Variants in XPO6 observed in about 807,000 individuals in gnomAD.
XPO6 encodes the protein exportin 6, also known as exportin-6.
Under a neutral mutation model 130.0 loss-of-function variants are expected in XPO6, and 3 were observed. That is an observed-to-expected ratio of 0.02 (90% CI 0.01 to 0.06). XPO6 has a LOEUF of 0.06. Ranked by LOEUF, XPO6 falls within the 10% of genes least tolerant of loss-of-function variation. XPO6 has a pLI of 1.00. For missense variants in XPO6, 970 were observed against 1,393.0 expected (o/e 0.70, Z 4.83); for synonymous variants, 524 against 548.9 (o/e 0.95, Z 0.63).
At chr16:28,126,379 T>C (rs1266611069) in intron 12 of XPO6, among the ~76,000 whole-genome samples, 2 of 152,090 alleles carry the variant, frequency 1.3e-5, no homozygotes, top group Non-Finnish European at 2.9e-5. Context: ...ACTCCACCCC[T>C]GAAGGCTGGG....
At chr16:28,104,936 T>C (rs2086740140) in intron 20 of XPO6, among the ~76,000 whole-genome samples, 1 of 152,272 alleles carries the variant, frequency 6.6e-6, no homozygotes, top group Non-Finnish European at 1.5e-5. Flanking sequence ...CCGCGAGTTC[T>C]TCAGGAGAGA....
intron 9 of XPO6, among the ~76,000 whole-genome samples, chr16:28,144,353 T>C (rs1381026321): frequency 6.6e-6 from 1 of 152,200 alleles, no homozygotes; most frequent in African/African-American, 2.4e-5. Flanking sequence ...TATTTGCATA[T>C]TTATTTATTT....
Position 28,106,360 on chromosome 16 carries a change from A to G in XPO6, c.2612+23T>C. On this transcript the variant is annotated intron_variant, in intron 19 of 23. Transcript: ENST00000304658. The surrounding 1 kb of genome is among the most constrained non-coding windows in gnomAD (Gnocchi z 4.2). The stretch of plus-strand genomic sequence containing the variant: ...CACTTCTCCCTTGAATCTGAAAACT[A>G]TAGATGGTGGGTCTGTGCTTACCTG... 1 of 1,612,600 alleles carries G rather than the reference A, an allele frequency of 6.2e-7. No homozygotes were observed.
At chr16:28,130,435 G>GT (rs2042643433) in intron 12 of XPO6, among the ~76,000 whole-genome samples, 1 of 152,358 alleles carries the variant, frequency 6.6e-6, no homozygotes, top group African/African-American at 2.4e-5. Context: ...TGGCATGGAG[G>GT]TTATTTGAGG....
chr16:28,112,803 A>G, intron 16 of XPO6, 101 bp downstream of exon 16: 1 of 1,440,206 alleles, frequency 6.9e-7, no homozygotes, highest in Non-Finnish European at 9.4e-7. Flanking sequence ...TACAGCCTGT[A>G]AGCTCTGAGT....
At chr16:28,100,538 G>A (rs2086633910) in intron 23 of XPO6, among the ~76,000 whole-genome samples, 3 of 152,250 alleles carry the variant, frequency 2.0e-5, no homozygotes, top group Admixed American at 2.0e-4. Flanking sequence ...AGGAAAGCAG[G>A]CGGCCAGGTT....
At position 28,111,374 on chromosome 16, in the gene XPO6, C is replaced by T. The variant is rs566974230; in HGVS notation, c.2341+443G>A. 2.0e-5 allele frequency: 3 copies of T among 152,964 alleles called. No homozygotes were observed. The East Asian group carries it at 5.8e-4, about 29-fold the overall frequency. The allele number at this position is 152,964 out of a possible 1,614,324, so 9.5% of individuals were successfully genotyped here. On this transcript the variant is annotated intron_variant, in intron 17 of 23. Coordinates refer to ENST00000304658, the MANE Select transcript of XPO6 (RefSeq NM_015171.4). Reference sequence around the variant, plus strand: ...TTTAAGAAACTAAGCTCTTTCAAAACCTCTGGAAGATCTGTATTTGGAAAA... The same window carrying T: ...TTTAAGAAACTAAGCTCTTTCAAAATCTCTGGAAGATCTGTATTTGGAAAA...
intron 6 of XPO6, among the ~76,000 whole-genome samples, chr16:28,161,064 G>T (rs1433261101): frequency 6.6e-6 from 1 of 152,144 alleles, no homozygotes; most frequent in Admixed American, 6.5e-5. Context: ...ACACAGATAT[G>T]CAACTACAAA....
chr16:28,166,643 A>G lies in XPO6; in HGVS notation c.566-58T>C, dbSNP rs1361960468. ...AAATAATGTCCAGCATATAAAAATC[A>G]TATTTAGAGAAAGTTTCTTGATACC... On this transcript the variant is annotated intron_variant, in intron 5 of 23. Transcript: ENST00000304658. 7 of 1,548,798 alleles carry G rather than the reference A, an allele frequency of 4.5e-6. No individual in the cohort carries two copies. The South Asian group carries it at 6.0e-5, about 13-fold the overall frequency.
At position 28,135,257 on chromosome 16, in the gene XPO6, C is replaced by A. The variant is rs896466465; in HGVS notation, c.1402G>T (p.Ala468Ser). The A allele has an allele frequency of 6.2e-7, 1 of 1,613,926 alleles. No homozygotes were observed. The highest frequency in any genetic ancestry group is 1.3e-5 in the African/African-American group (1 of 74,926). Residue 468 changes from alanine (A) to serine (S), a missense_variant, in exon 10 of 24, where the codon GCC (alanine) becomes TCC (serine). Coordinates refer to ENST00000304658, the MANE Select transcript of XPO6 (RefSeq NM_015171.4). ...TCATCATCCAACTCCTCCAGCTGGG[C>A]TTGGTTGTATCTGAACTGGATTCGA... is the stretch of plus-strand genomic sequence containing the variant. The part of the protein sequence containing the change: ...LNRIQFRYNQ[A>S]QLEELDDETL...
At chr16:28,103,672 G>A (rs2086702256) in intron 21 of XPO6, among the ~76,000 whole-genome samples, 1 of 152,144 alleles carries the variant, frequency 6.6e-6, no homozygotes, top group Non-Finnish European at 1.5e-5. Flanking sequence ...AGGCAGGGGA[G>A]GCGCAAACAC....
At chr16:28,162,996 G>A (rs2043301544) in intron 6 of XPO6, among the ~76,000 whole-genome samples, 2 of 152,148 alleles carry the variant, frequency 1.3e-5, no homozygotes, top group African/African-American at 4.8e-5. Context: ...GGTCTGCTGT[G>A]TACCGCGGGG....
At chr16:28,124,445 T>A (rs1359371492) in intron 13 of XPO6, among the ~76,000 whole-genome samples, 1 of 152,182 alleles carries the variant, frequency 6.6e-6, no homozygotes, top group Admixed American at 6.5e-5. Context: ...GAAAAACATG[T>A]CTTATCCCTG....
At chr16:28,117,018 G>A (rs886972546) in intron 15 of XPO6, 6 of 309,362 alleles carry the variant, frequency 1.9e-5, no homozygotes, top group South Asian at 8.7e-5. Context: ...TGTGCTTACC[G>A]CGCGAAGGAA....
intron 23 of XPO6, among the ~76,000 whole-genome samples, chr16:28,100,023 TG>T (rs1430721606): frequency 2.6e-5 from 4 of 152,152 alleles, no homozygotes; most frequent in African/African-American, 9.7e-5. Context: ...AGTCCCACTC[TG>T]CCGCCCAGGC....
intron 6 of XPO6, among the ~76,000 whole-genome samples, chr16:28,161,974 A>C (rs1163251595): frequency 1.3e-5 from 2 of 152,252 alleles, no homozygotes; most frequent in South Asian, 4.1e-4. Context: ...ATAAATATGG[A>C]AAAATATGTA....
chr16:28,184,992 C>A (rs556532368), intron 1 of XPO6, among the ~76,000 whole-genome samples: 7 of 152,254 alleles, frequency 4.6e-5, no homozygotes, highest in African/African-American at 1.7e-4. Context: ...CACTATTATA[C>A]ACAATACCCA....
intron 1 of XPO6, 22 bp from the exon 2 acceptor site, chr16:28,181,053 A>G (rs1212682635): frequency 6.3e-7 from 1 of 1,582,536 alleles, no homozygotes; most frequent in Non-Finnish European, 8.6e-7. Flanking sequence ...ATTTGAAAAA[A>G]AATCAATAAG....
Position 28,167,132 on chromosome 16 carries a change from A to G in XPO6, c.566-547T>C, listed in dbSNP as rs79699746. 663 of 984,990 alleles carry G rather than the reference A, an allele frequency of 6.7e-4. 4 individuals are homozygous for G. The African/African-American group carries it at 0.011, about 16-fold the overall frequency. 61.0% of individuals were successfully genotyped at this position (984,990 alleles called of 1,614,324 possible). A position where few individuals can be genotyped will look rare whatever the true frequency, so the allele number is the denominator to read the frequency against. On this transcript the variant is annotated intron_variant, in intron 5 of 23. Coordinates refer to ENST00000304658, the MANE Select transcript of XPO6 (RefSeq NM_015171.4). ...CTGCTATGGCTTCAATATATTCTGAAGCCTCTCAAGTCTCCTGTTCTTGGC... is the reference window on the plus strand; with the variant it reads ...CTGCTATGGCTTCAATATATTCTGAGGCCTCTCAAGTCTCCTGTTCTTGGC...
Sources: allele counts gnomAD v4.1 joint callset (sites outside exome capture counted in the v4.1 genomes callset), GRCh38; gene constraint gnomAD v4.1.1; non-coding constraint Gnocchi (gnomAD v3.1); transcripts MANE v1.5; gene names NCBI Gene and HGNC (gene_info 2026-07-23, HGNC 2026-07-21).